The following LMAN1 variants were observed in gnomAD, a reference collection of about 807,000 sequenced individuals.
LMAN1 encodes lectin, mannose binding 1, also known as protein ERGIC-53.
A neutral mutation model predicts 67.8 loss-of-function variants in LMAN1; 32 were observed. The observed-to-expected ratio is 0.47, with a 90% CI of 0.36 to 0.63. LMAN1 has a LOEUF of 0.63. Ranked by LOEUF, LMAN1 falls within the 30% of genes least tolerant of loss-of-function variation. The pLI, the probability that LMAN1 is intolerant of heterozygous loss-of-function variation, is 0.00. For missense variants in LMAN1, 632 were observed against 628.2 expected, an observed-to-expected ratio of 1.01 and a Z score of -0.06; for synonymous variants, 235 against 219.3, an observed-to-expected ratio of 1.07 and a Z score of -0.63.
intron 4 of LMAN1, among the ~76,000 whole-genome samples, chr18:59,353,634 C>T (rs935828526): frequency 8.5e-5 from 13 of 152,134 alleles, no homozygotes; most frequent in African/African-American, 3.1e-4. Flanking sequence ...GGCAGAAAAA[C>T]AGTAAACAGG....
intron 8 of LMAN1, 111 bp downstream of exon 8, chr18:59,345,808 T>G (rs1257606551): frequency 8.2e-7 from 1 of 1,221,642 alleles, no homozygotes; most frequent in African/African-American, 1.5e-5. Context: ...TCACTTGGAA[T>G]GTGCCTGTTC....
At chr18:59,353,584 T>G (rs1389748495) in intron 4 of LMAN1, among the ~76,000 whole-genome samples, 1 of 152,096 alleles carries the variant, frequency 6.6e-6, no homozygotes, top group Non-Finnish European at 1.5e-5. Flanking sequence ...AATAGCTCCA[T>G]AGGGAGTTAT....
chr18:59,352,912 T>C, intron 5 of LMAN1: 1 of 371,758 alleles, frequency 2.7e-6, no homozygotes, highest in Non-Finnish European at 5.2e-6. Context: ...TCCGTCTATC[T>C]ATCTATCTAC....
chr18:59,349,755 G>C (rs530079304), intron 5 of LMAN1, among the ~76,000 whole-genome samples: 1 of 152,048 alleles, frequency 6.6e-6, no homozygotes, highest in Admixed American at 6.5e-5. Context: ...AGGCAGAGAA[G>C]GAAAAAACTA....
chr18:59,338,402 T>G (rs189968639), intron 10 of LMAN1, among the ~76,000 whole-genome samples, 155 bp downstream of exon 10: 21 of 152,330 alleles, frequency 1.4e-4, no homozygotes, highest in African/African-American at 5.1e-4. Context: ...TATTAAAAGT[T>G]GCTGTATTTA....
At chr18:59,340,006 A>C (rs1298192805) in intron 8 of LMAN1, among the ~76,000 whole-genome samples, 2 of 152,032 alleles carry the variant, frequency 1.3e-5, no homozygotes, top group African/African-American at 2.4e-5. Flanking sequence ...GACAATACCC[A>C]CTGCCCTGCA....
intron 11 of LMAN1, among the ~76,000 whole-genome samples, chr18:59,332,386 G>T (rs989965889): frequency 1.1e-4 from 16 of 152,120 alleles, no homozygotes; most frequent in Non-Finnish European, 1.3e-4. Flanking sequence ...ATATAGTTAA[G>T]AGAGTTATCA....
intron 11 of LMAN1, 134 bp from the exon 12 acceptor site, chr18:59,331,673 T>C: frequency 1.0e-6 from 1 of 990,290 alleles, no homozygotes; most frequent in Non-Finnish European, 1.5e-6. Context: ...GAAAACCTTC[T>C]ATCCCCTTAA....
At position 59,333,123 on chromosome 18, in the gene LMAN1, T is replaced by C. The variant is rs1455448155; in HGVS notation, c.1342A>G (p.Arg448Gly). The part of the protein sequence containing the change: ...DIKEHLHIVK[R>G]DIDNLVQRNM... ...CGCTGCACTAAGTTATCTATGTCCCTCTTTACTATGTGCAGGTGCTCTTTG... is the reference window on the plus strand; with the variant it reads ...CGCTGCACTAAGTTATCTATGTCCCCCTTTACTATGTGCAGGTGCTCTTTG... The change falls in exon 11 of 13, where the codon AGG (arginine) becomes GGG (glycine). Residue 448 changes from arginine (R) to glycine (G), a missense_variant. Coordinates refer to ENST00000251047, the MANE Select transcript of LMAN1 (RefSeq NM_005570.4). 5.6e-6 allele frequency: 9 copies of C among 1,613,530 alleles called. No individual in the cohort carries two copies. Among genetic ancestry groups the C allele is most frequent in the Non-Finnish European group, 7.6e-6 (9 of 1,179,630 alleles).
chr18:59,346,683 G>A (rs1256387795), intron 7 of LMAN1, among the ~76,000 whole-genome samples: 1 of 151,156 alleles, frequency 6.6e-6, no homozygotes, highest in Non-Finnish European at 1.5e-5. Flanking sequence ...ACCACACCCA[G>A]CTATTTTTTG....
In LMAN1 at chr18:59,346,045, G is replaced by C. The variant is rs746406489; in HGVS notation, c.829C>G (p.Pro277Ala). The C allele has an allele frequency of 3.1e-6, 5 of 1,608,584 alleles. No individual in the cohort carries two copies. In the African/African-American group the frequency reaches 6.7e-5, roughly 22 times the overall value. ...TCCTTTTCCGAAATTTCTTTATCTGGTGTGGGCTTTTTTTTGGAGTTTTGG... is the reference window on the plus strand; with the variant it reads ...TCCTTTTCCGAAATTTCTTTATCTGCTGTGGGCTTTTTTTTGGAGTTTTGG... ...LTEPGKEPPT[P>A]DKEISEKEKE... Residue 277 changes from proline to alanine, a missense_variant, in exon 8 of 13, where the codon CCA (proline) becomes GCA (alanine). Coordinates refer to ENST00000251047, the MANE Select transcript of LMAN1 (RefSeq NM_005570.4).
At position 59,329,071 on chromosome 18, in the gene LMAN1, C is replaced by A. The variant is rs557664062; in HGVS notation, c.*2022G>T. 1.3e-5 allele frequency: 2 copies of A among 152,224 alleles called. No individual in the cohort carries two copies. Among genetic ancestry groups the A allele is most frequent in the South Asian group, 4.2e-4 (2 of 4,816 alleles). 9.4% of individuals were successfully genotyped at this position (152,224 alleles called of 1,614,324 possible). A position where few individuals can be genotyped will look rare whatever the true frequency, so the allele number is the denominator to read the frequency against. On this transcript the variant is annotated 3_prime_UTR_variant, in exon 13 of 13. Transcript: ENST00000251047. ...TGATTGATTTTTCCACAGAGCAAAC[C>A]TTTTTGTTCAGAAATGAGCTCCTTA...
intron 4 of LMAN1, among the ~76,000 whole-genome samples, chr18:59,353,963 T>G (rs997304464): frequency 6.6e-6 from 1 of 152,212 alleles, no homozygotes; most frequent in Non-Finnish European, 1.5e-5. Flanking sequence ...CAATGTATTT[T>G]AAAATTTGTA....
intron 8 of LMAN1, among the ~76,000 whole-genome samples, chr18:59,345,503 ATG>A (rs1170297655): frequency 6.6e-6 from 1 of 152,216 alleles, no homozygotes; most frequent in African/African-American, 2.4e-5. Context: ...TAAGGTAATT[ATG>A]TGTCACTAAA....
intron 10 of LMAN1, among the ~76,000 whole-genome samples, chr18:59,336,329 A>G (rs1257991805): frequency 6.6e-6 from 1 of 152,210 alleles, no homozygotes; most frequent in African/African-American, 2.4e-5. Context: ...CAGTACCATA[A>G]ATTTTTAAAA....
intron 1 of LMAN1, 107 bp downstream of exon 1, chr18:59,358,924 G>C (rs1908727997): frequency 8.7e-7 from 1 of 1,146,254 alleles, no homozygotes. Flanking sequence ...ATGGTGTGCA[G>C]CTGCTGGAAC....
chr18:59,347,450 C>A (rs1325845323), intron 7 of LMAN1, 63 bp downstream of exon 7: 3 of 1,185,010 alleles, frequency 2.5e-6, no homozygotes, highest in African/African-American at 3.1e-5. Flanking sequence ...GTTAGTCTTC[C>A]AAAACGTTCA....
At chr18:59,339,647 TG>T (rs748487008) in intron 8 of LMAN1, among the ~76,000 whole-genome samples, 4 of 152,160 alleles carry the variant, frequency 2.6e-5, no homozygotes, top group Non-Finnish European at 5.9e-5. Context: ...GCACCACTGT[TG>T]ATAGCCTAGA....
rs2070758947 is a variant in LMAN1, at chr18:59,333,156, T to C, written c.1309A>G (p.Ile437Val). 3.1e-6 allele frequency: 5 copies of C among 1,613,672 alleles called. No homozygotes were observed. Among genetic ancestry groups the C allele is most frequent in the Non-Finnish European group, 1.7e-6 (2 of 1,179,660 alleles). ...GGVYETTQHF[I>V]DIKEHLHIVK... ...ATGTGCAGGTGCTCTTTGATGTCAA[T>C]GAAGTGCTGTGTTGTCTCATAGACG... is the stretch of plus-strand genomic sequence containing the variant. The change falls in exon 11 of 13, where the codon ATT becomes GTT. Residue 437 changes from isoleucine (I) to valine (V), a missense_variant. By Grantham distance (29) the Ile-to-Val change is conservative. Coordinates refer to ENST00000251047, the MANE Select transcript of LMAN1 (RefSeq NM_005570.4).
Sources: gnomAD v4.1 joint callset for allele counts (sites outside exome capture counted in the v4.1 genomes callset) on GRCh38, gnomAD v4.1.1 for gene constraint, MANE v1.5 for transcripts, NCBI Gene and HGNC (gene_info 2026-07-23, HGNC 2026-07-21) for gene names.